RNF17: variants seen among roughly 807,000 people sequenced by gnomAD.
RNF17 encodes the protein ring finger protein 17, also known as spermatogenesis associated 23.
RNF17 carries 31 observed loss-of-function variants against 200.5 expected under a neutral mutation model. The ratio of observed to expected loss-of-function variants is 0.15; its 90% confidence interval spans 0.12 to 0.21. RNF17 has a LOEUF of 0.21. Ranked by LOEUF, RNF17 falls within the 10% of genes least tolerant of loss-of-function variation. The pLI is 1.00. For synonymous variants in RNF17, 606 were observed against 637.8 expected (o/e 0.95, Z 0.75); for missense variants, 1,628 against 1,905.1 (o/e 0.85, Z 2.71).
intron 15 of RNF17, among the ~76,000 whole-genome samples, chr13:24,818,121 T>C (rs1236831468): frequency 6.6e-6 from 1 of 152,060 alleles, no homozygotes; most frequent in Admixed American, 6.5e-5. Flanking sequence ...TTCTAATTTC[T>C]CTTAGGATTT....
Position 24,811,916 on chromosome 13 carries a change from C to G in RNF17, c.2091+7487C>G, listed in dbSNP as rs867670953. On this transcript the variant is annotated intron_variant, in intron 15 of 35. Transcript: ENST00000255324. ...GTACCCGGCCGTGTGAGGTGTCAGT[C>G]TACCCCTGCTGGGGGGTGCCTCCCA... 2.1e-4 allele frequency among the ~76,000 whole-genome samples: 32 copies of G among 152,202 alleles called. No homozygotes were observed. In the Middle Eastern group the frequency reaches 0.01, roughly 49 times the overall value.
At chr13:24,769,477 C>T (rs932254214) in intron 2 of RNF17, among the ~76,000 whole-genome samples, 9 of 152,156 alleles carry the variant, frequency 5.9e-5, no homozygotes, top group South Asian at 2.1e-4. Flanking sequence ...ATTCTTCAGA[C>T]GCACTGGTGA....
chr13:24,832,274 A>C (rs1889498537), intron 18 of RNF17, among the ~76,000 whole-genome samples: 2 of 152,174 alleles, frequency 1.3e-5, no homozygotes, highest in African/African-American at 4.8e-5. Flanking sequence ...CCTTGTCCTT[A>C]ACATAGTGGA....
chr13:24,875,560 G>T (rs914120005), intron 33 of RNF17, among the ~76,000 whole-genome samples: 16 of 152,190 alleles, frequency 1.1e-4, no homozygotes, highest in African/African-American at 3.6e-4. Context: ...CACTCAATGG[G>T]TGCCAAACCT....
intron 25 of RNF17, among the ~76,000 whole-genome samples, chr13:24,855,953 A>G (rs1892433254): frequency 6.6e-6 from 1 of 152,152 alleles, no homozygotes; most frequent in Non-Finnish European, 1.5e-5. Flanking sequence ...TTTCTGATTC[A>G]TAGTTCTTAA....
intron 29 of RNF17, 118 bp from the exon 30 acceptor site, chr13:24,866,015 TAATTGATCTGA>T: frequency 1.6e-6 from 1 of 621,928 alleles, no homozygotes; most frequent in Non-Finnish European, 2.9e-6. Context: ...GATTTTCCTG[TAATTGATCTGA>T]AATAAATAAA....
the RNF17 span, among the ~76,000 whole-genome samples, chr13:24,753,018 G>T: frequency 1.3e-5 from 2 of 152,142 alleles, no homozygotes; most frequent in Non-Finnish European, 2.9e-5. Flanking sequence ...TGGGCAAGAA[G>T]TTCTGTGCAT....
At chr13:24,755,160 C>T in the RNF17 span, among the ~76,000 whole-genome samples, 2 of 151,954 alleles carry the variant, frequency 1.3e-5, no homozygotes, top group Admixed American at 1.3e-4. Context: ...AAATTACTTC[C>T]TATTTTCTGT....
intron 6 of RNF17, among the ~76,000 whole-genome samples, chr13:24,782,992 C>A (rs1487739163): frequency 6.6e-6 from 1 of 152,096 alleles, no homozygotes; most frequent in African/African-American, 2.4e-5. Flanking sequence ...CATCATGATG[C>A]CTTTTCCCTG....
intron 12 of RNF17, among the ~76,000 whole-genome samples, chr13:24,800,029 G>A (rs1398015983): frequency 6.6e-6 from 1 of 152,106 alleles, no homozygotes; most frequent in African/African-American, 2.4e-5. Context: ...TCTGTAGTAA[G>A]GACCAGTATT....
intron 24 of RNF17, among the ~76,000 whole-genome samples, chr13:24,853,476 C>T (rs938772378): frequency 6.6e-6 from 1 of 151,714 alleles, no homozygotes; most frequent in African/African-American, 2.4e-5. Flanking sequence ...CTCATGTTTT[C>T]TTTGTATTTT....
chr13:24,860,133 A>G (rs1472462655), intron 26 of RNF17, among the ~76,000 whole-genome samples: 3 of 151,662 alleles, frequency 2.0e-5, no homozygotes, highest in Non-Finnish European at 2.9e-5. Flanking sequence ...TATCTGAGCA[A>G]CTTGAATGTA....
chr13:24,789,812 G>C, intron 9 of RNF17, 40 bp downstream of exon 9: 1 of 1,101,072 alleles, frequency 9.1e-7, no homozygotes. Context: ...ATTAGTGTCT[G>C]ACAGTACTTA....
chr13:24,767,746 C>CA (rs71186846), intron 2 of RNF17, among the ~76,000 whole-genome samples: 4,040 of 94,672 alleles, frequency 0.043, 121 homozygotes, highest in African/African-American at 0.095. Context: ...GACTCCATCT[C>CA]AAAAAAAAAA....
chr13:24,830,148 A>G (rs901834208), intron 16 of RNF17, among the ~76,000 whole-genome samples: 6 of 152,220 alleles, frequency 3.9e-5, no homozygotes, highest in African/African-American at 1.4e-4. Flanking sequence ...TAGGTCACAT[A>G]GAATTTTAGT....
At chr13:24,830,278 A>C (rs549218606) in intron 16 of RNF17, among the ~76,000 whole-genome samples, 7 of 152,276 alleles carry the variant, frequency 4.6e-5, no homozygotes, top group Admixed American at 4.6e-4. Flanking sequence ...GAATATTTAA[A>C]GCATACTAGT....
chr13:24,820,255 G>T (rs1405254016), intron 15 of RNF17, among the ~76,000 whole-genome samples: 1 of 151,498 alleles, frequency 6.6e-6, no homozygotes, highest in African/African-American at 2.4e-5. Flanking sequence ...CCTAGTAGCT[G>T]GGATTTCAGG....
the RNF17 span, among the ~76,000 whole-genome samples, chr13:24,748,432 AGCTT>A: frequency 2.0e-5 from 3 of 152,270 alleles, no homozygotes; most frequent in Admixed American, 6.5e-5. Context: ...TGGTGGCAGA[AGCTT>A]GTTCAAGTTC....
intron 18 of RNF17, among the ~76,000 whole-genome samples, chr13:24,838,932 C>CCT (rs1890313556): frequency 6.6e-6 from 1 of 152,122 alleles, no homozygotes; most frequent in East Asian, 1.9e-4. Flanking sequence ...CCTAAGGACT[C>CCT]CTCCAGAAGG....
Sources: allele counts gnomAD v4.1 joint callset (sites outside exome capture counted in the v4.1 genomes callset), GRCh38; gene constraint gnomAD v4.1.1; transcripts MANE v1.5; gene names NCBI Gene and HGNC (gene_info 2026-07-23, HGNC 2026-07-21).